MIPEP: variants seen among roughly 807,000 people sequenced by gnomAD.
MIPEP encodes the protein mitochondrial intermediate peptidase.
MIPEP carries 79 observed loss-of-function variants against 90.3 expected under a neutral mutation model. That is an observed-to-expected ratio of 0.87 (90% CI 0.73 to 1.05). MIPEP has a LOEUF of 1.05. MIPEP is among the 50% of genes least tolerant of loss of function. The probability of loss-of-function intolerance (pLI) is 0.00; values close to 1 mark genes in which losing one functional copy is unlikely to be tolerated. For missense variants in MIPEP, 940 were observed against 905.6 expected (o/e 1.04, Z -0.49); for synonymous variants, 334 against 315.8 (o/e 1.06, Z -0.61).
At chr13:23,845,476 T>C (rs143591430) in intron 10 of MIPEP, among the ~76,000 whole-genome samples, 1 of 152,200 alleles carries the variant, frequency 6.6e-6, no homozygotes, top group African/African-American at 2.4e-5. Context: ...AGAAAATGCA[T>C]CCCGTTAGGC....
chr13:23,739,636 T>C (rs866275514), intron 18 of MIPEP, among the ~76,000 whole-genome samples: 1 of 152,190 alleles, frequency 6.6e-6, no homozygotes, highest in South Asian at 2.1e-4. Flanking sequence ...GAAAGGTGGA[T>C]GGAGTTGCTT....
At chr13:23,745,541 C>T (rs1247884974) in intron 18 of MIPEP, among the ~76,000 whole-genome samples, 1 of 152,112 alleles carries the variant, frequency 6.6e-6, no homozygotes, top group Non-Finnish European at 1.5e-5. Flanking sequence ...ACTGGTACTC[C>T]TTCCAAATGT....
At chr13:23,879,772 A>G (rs932682146) in intron 3 of MIPEP, among the ~76,000 whole-genome samples, 5 of 152,164 alleles carry the variant, frequency 3.3e-5, no homozygotes, top group African/African-American at 9.7e-5. Context: ...GGGATGCAAG[A>G]CTGGCCTTGT....
chr13:23,773,301 T>C (rs1253414322), intron 16 of MIPEP, among the ~76,000 whole-genome samples: 2 of 152,246 alleles, frequency 1.3e-5, no homozygotes, highest in African/African-American at 4.8e-5. Flanking sequence ...GTAGCAATAC[T>C]TCATTTCTTT....
rs765538690 is a variant in MIPEP at position 23,809,885 on chromosome 13, T to C, written c.1693A>G (p.Lys565Glu). Residue 565 changes from lysine (K) to glutamate (E), a missense_variant, in exon 15 of 19, where the codon AAA (lysine) becomes GAA (glutamate). Physicochemically the swap from Lys to Glu is moderately conservative, Grantham distance 56. Transcript: ENST00000382172. The stretch of plus-strand genomic sequence containing the variant: ...ATATCAGCTGCAGCACAAACCTTTT[T>C]AGATTCACAAAGACGAGACACCATA... ...KNMVSRLCES[K>E]KVCAAADMQL... The C allele has an allele frequency of 3.7e-5, 59 of 1,613,686 alleles. No individual in the cohort carries two copies. Among genetic ancestry groups the C allele is most frequent in the Non-Finnish European group, 4.7e-5 (56 of 1,179,812 alleles).
Position 23,889,166 on chromosome 13 carries a change from T to G in MIPEP, c.155A>C (p.Gln52Pro). ...GCCGAACAGGTCCAAGCGGCTGCCC[T>G]GGGGCTTGACATTGAAGGCGGCGCC... ...PVGAAFNVKP[Q>P]GSRLDLFGER... is the part of the protein sequence containing the mutation. Residue 52 changes from glutamine (Q) to proline (P), a missense_variant, in exon 1 of 19, where the codon CAG (glutamine) becomes CCG (proline). Physicochemically the swap from Gln to Pro is moderately conservative, Grantham distance 76. Coordinates refer to ENST00000382172, the MANE Select transcript of MIPEP (RefSeq NM_005932.4). The G allele has an allele frequency of 1.4e-6, 2 of 1,465,808 alleles. No individual in the cohort carries two copies. Among genetic ancestry groups the G allele is most frequent in the Non-Finnish European group, 1.8e-6 (2 of 1,110,274 alleles). The allele number at this position is 1,465,808 out of a possible 1,614,324, so 90.8% of individuals were successfully genotyped here.
At chr13:23,836,203 A>T in intron 14 of MIPEP, 37 bp downstream of exon 14, 1 of 1,371,040 alleles carries the variant, frequency 7.3e-7, no homozygotes, top group Non-Finnish European at 9.9e-7. Flanking sequence ...CAACTATCAC[A>T]ACCCAAAGGA....
chr13:23,738,306 T>G (rs1041510265), intron 18 of MIPEP, among the ~76,000 whole-genome samples: 9 of 152,054 alleles, frequency 5.9e-5, no homozygotes, highest in African/African-American at 9.7e-5. Flanking sequence ...TACTATGAAG[T>G]TTTTTCTTGG....
At chr13:23,778,329 T>C (rs1027029637) in intron 16 of MIPEP, among the ~76,000 whole-genome samples, 1 of 152,186 alleles carries the variant, frequency 6.6e-6, no homozygotes, top group South Asian at 2.1e-4. Flanking sequence ...TCTTTTATAA[T>C]TATTAAATAT....
chr13:23,798,991 ATTTTTTTGGTTTTTTT>A (rs1952998141), intron 16 of MIPEP, among the ~76,000 whole-genome samples: 1 of 127,754 alleles, frequency 7.8e-6, no homozygotes, highest in South Asian at 2.4e-4. Flanking sequence ...AATTAGAATA[ATTTTTTTGGTTTTTTT>A]TTTTTTTTTT....
chr13:23,776,667 T>A (rs1952720543), intron 16 of MIPEP, among the ~76,000 whole-genome samples: 1 of 152,172 alleles, frequency 6.6e-6, no homozygotes, highest in African/African-American at 2.4e-5. Context: ...CTAAAACATC[T>A]CTATCGGAAA....
At chr13:23,858,637 T>TA (rs540738528) in intron 10 of MIPEP, among the ~76,000 whole-genome samples, 311 of 152,092 alleles carry the variant, frequency 2.0e-3, no homozygotes, top group Middle Eastern at 0.017. Flanking sequence ...ACCAGAAAGC[T>TA]ACGCAAGGGC....
chr13:23,732,605 A>G (rs116169383), intron 18 of MIPEP, among the ~76,000 whole-genome samples: 2 of 152,254 alleles, frequency 1.3e-5, no homozygotes, highest in Non-Finnish European at 2.9e-5. Flanking sequence ...CTATTCATAC[A>G]TGCAACAACA....
chr13:23,852,257 A>C (rs1001905567), intron 10 of MIPEP, among the ~76,000 whole-genome samples: 2 of 152,232 alleles, frequency 1.3e-5, no homozygotes, highest in East Asian at 3.8e-4. Flanking sequence ...AGGAAATACG[A>C]ATATAGACTA....
chr13:23,798,527 C>T (rs1031388998), intron 16 of MIPEP, among the ~76,000 whole-genome samples: 1 of 152,032 alleles, frequency 6.6e-6, no homozygotes, highest in Non-Finnish European at 1.5e-5. Context: ...ATATAAATCC[C>T]CCGATATAGT....
intron 1 of MIPEP, among the ~76,000 whole-genome samples, chr13:23,886,832 A>AATATAC (rs1871504430): frequency 6.7e-6 from 1 of 149,640 alleles, no homozygotes; most frequent in Admixed American, 6.7e-5. Flanking sequence ...CATATATGTA[A>AATATAC]ATATATATAT....
chr13:23,736,100 C>T (rs1222609574), intron 18 of MIPEP, among the ~76,000 whole-genome samples: 1 of 152,160 alleles, frequency 6.6e-6, no homozygotes, highest in African/African-American at 2.4e-5. Flanking sequence ...CCAAGCACCC[C>T]TGGGAACCAG....
chr13:23,874,932 G>A, intron 4 of MIPEP, 23 bp from the exon 5 acceptor site: 2 of 1,552,834 alleles, frequency 1.3e-6, no homozygotes, highest in Non-Finnish European at 1.7e-6. Context: ...TGAGCCCCAG[G>A]TTATAACAGG....
At chr13:23,730,492 G>T in intron 18 of MIPEP, 47 bp from the exon 19 acceptor site, 1 of 1,282,054 alleles carries the variant, frequency 7.8e-7, no homozygotes, top group South Asian at 1.2e-5. Flanking sequence ...GGAGGCAACA[G>T]GAAGCACAAA....
Sources: allele counts gnomAD v4.1 joint callset (sites outside exome capture counted in the v4.1 genomes callset), GRCh38; gene constraint gnomAD v4.1.1; transcripts MANE v1.5; gene names NCBI Gene and HGNC (gene_info 2026-07-23, HGNC 2026-07-21).